SLC16A7: variants seen among roughly 807,000 people sequenced by gnomAD.
SLC16A7 encodes solute carrier family 16 member 7.
In SLC16A7, 33 loss-of-function variants were observed where a neutral mutation model predicts 34.9. The ratio of observed to expected loss-of-function variants is 0.94; its 90% CI spans 0.72 to 1.26. The LOEUF is 1.26. Ranked by LOEUF, SLC16A7 falls within the 50% of genes most tolerant of loss-of-function variation. The pLI is 0.00. For synonymous variants in SLC16A7, 201 were observed against 206.6 expected (o/e 0.97, Z 0.23); for missense variants, 573 against 578.1 (o/e 0.99, Z 0.09).
intron 3 of SLC16A7, among the ~76,000 whole-genome samples, chr12:59,721,075 A>G (rs1439120215): frequency 6.6e-6 from 1 of 152,026 alleles, no homozygotes; most frequent in Admixed American, 6.6e-5. Flanking sequence ...GATGATCGAT[A>G]ATCTTAGGTG....
chr12:59,720,362 T>G (rs2137199712), intron 3 of SLC16A7, among the ~76,000 whole-genome samples: 1 of 152,250 alleles, frequency 6.6e-6, no homozygotes. Context: ...AATGTATATC[T>G]TTTTGTCATT....
At chr12:59,620,663 T>C (rs1450740372) in intron 1 of SLC16A7, among the ~76,000 whole-genome samples, 3 of 151,668 alleles carry the variant, frequency 2.0e-5, no homozygotes, top group South Asian at 2.1e-4. Flanking sequence ...AAATAGGAAA[T>C]TGGCAAAAGA....
chr12:59,749,288 TG>T (rs773734167), intron 3 of SLC16A7, among the ~76,000 whole-genome samples: 9 of 152,212 alleles, frequency 5.9e-5, no homozygotes, highest in Non-Finnish European at 8.8e-5. Context: ...CCAGTCTTTT[TG>T]CTGTACAACA....
intron 1 of SLC16A7, among the ~76,000 whole-genome samples, chr12:59,626,173 T>G (rs1879921714): frequency 6.6e-6 from 1 of 151,742 alleles, no homozygotes; most frequent in African/African-American, 2.4e-5. Flanking sequence ...TTTATGTAAA[T>G]AATTCTAAGA....
At chr12:59,671,833 ATG>A (rs1468383046) in intron 2 of SLC16A7, among the ~76,000 whole-genome samples, 2 of 135,158 alleles carry the variant, frequency 1.5e-5, no homozygotes, top group African/African-American at 5.6e-5. Flanking sequence ...ATATGTATAT[ATG>A]TATATATGTG....
At position 59,775,394 on chromosome 12, in the gene SLC16A7, G is replaced by A. The variant is rs751407349; in HGVS notation, c.1099G>A (p.Gly367Ser). The A allele has an allele frequency of 2.5e-6, 4 of 1,613,934 alleles. No individual in the cohort carries two copies. The highest frequency in any genetic ancestry group is 3.4e-6 in the Non-Finnish European group (4 of 1,179,988). Residue 367 changes from glycine (G) to serine (S), a missense_variant, in exon 5 of 6, where the codon GGT (glycine) becomes AGT (serine). Physicochemically the swap from Gly to Ser is moderately conservative, Grantham distance 56 (BLOSUM62 0). Coordinates refer to ENST00000547379, the MANE Select transcript of SLC16A7 (RefSeq NM_001270623.2). ...VLFETLMDLV[G>S]APRFSSAVGL... ...CTTTGAAACTCTCATGGACCTCGTG[G>A]GTGCACCAAGATTTTCCAGTGCCGT...
chr12:59,605,156 C>T (rs1409249860), intron 1 of SLC16A7, among the ~76,000 whole-genome samples: 2 of 152,128 alleles, frequency 1.3e-5, no homozygotes, highest in Non-Finnish European at 2.9e-5. Context: ...TTTTTTCAAA[C>T]AGAGACTAGT....
chr12:59,726,535 TC>T (rs1314906239), intron 3 of SLC16A7, among the ~76,000 whole-genome samples: 3 of 152,168 alleles, frequency 2.0e-5, no homozygotes, highest in Non-Finnish European at 4.4e-5. Flanking sequence ...TTCTTACTGC[TC>T]TTGGATATTG....
intron 1 of SLC16A7, among the ~76,000 whole-genome samples, chr12:59,602,502 G>A (rs1046328441): frequency 2.0e-4 from 3 of 14,846 alleles, no homozygotes; most frequent in Non-Finnish European, 4.3e-4. Context: ...TTTTTTTTTT[G>A]AGACAGGGTT....
intron 5 of SLC16A7, among the ~76,000 whole-genome samples, chr12:59,777,763 A>T (rs1250701841): frequency 6.6e-6 from 1 of 150,660 alleles, no homozygotes; most frequent in Non-Finnish European, 1.5e-5. Context: ...TTAACTCGTC[A>T]TTTAGCATTA....
intron 3 of SLC16A7, among the ~76,000 whole-genome samples, chr12:59,708,675 A>G (rs1873865512): frequency 6.6e-6 from 1 of 152,020 alleles, no homozygotes; most frequent in South Asian, 2.1e-4. Flanking sequence ...ATTAATCACT[A>G]CTGTGGGGTC....
chr12:59,734,148 G>C (rs1361696299), intron 3 of SLC16A7: 1 of 210,502 alleles, frequency 4.8e-6, no homozygotes, highest in Non-Finnish European at 9.8e-6. Flanking sequence ...CCAGGAATCT[G>C]TCTGCCTCCC....
chr12:59,619,972 A>C (rs2136979402), intron 1 of SLC16A7, among the ~76,000 whole-genome samples: 1 of 152,120 alleles, frequency 6.6e-6, no homozygotes, highest in South Asian at 2.1e-4. Context: ...TCACAAAGTT[A>C]GTAAATAATA....
intron 1 of SLC16A7, among the ~76,000 whole-genome samples, chr12:59,629,180 C>A (rs1016815409): frequency 1.3e-5 from 2 of 151,838 alleles, no homozygotes; most frequent in East Asian, 3.9e-4. Context: ...ATCACAACCT[C>A]ATCTAAACCT....
intron 1 of SLC16A7, among the ~76,000 whole-genome samples, chr12:59,617,513 C>T (rs573660613): frequency 6.6e-6 from 1 of 151,842 alleles, no homozygotes; most frequent in African/African-American, 2.4e-5. Flanking sequence ...ATTTATAATG[C>T]CCTGTACATA....
At chr12:59,643,915 A>G (rs1352408478) in intron 1 of SLC16A7, among the ~76,000 whole-genome samples, 2 of 152,184 alleles carry the variant, frequency 1.3e-5, no homozygotes, top group Non-Finnish European at 2.9e-5. Context: ...CTATTTCATC[A>G]ATGACCTACA....
At chr12:59,761,319 T>G in intron 3 of SLC16A7, 1 of 366,772 alleles carries the variant, frequency 2.7e-6, no homozygotes, top group Non-Finnish European at 5.0e-6. Flanking sequence ...TTCTAACTTT[T>G]CCAGTATTTG....
At chr12:59,702,954 C>T (rs987186730) in intron 2 of SLC16A7, among the ~76,000 whole-genome samples, 2 of 151,932 alleles carry the variant, frequency 1.3e-5, no homozygotes, top group East Asian at 3.9e-4. Context: ...AAATTTGTCA[C>T]ATTTAAAAAA....
intron 3 of SLC16A7, among the ~76,000 whole-genome samples, chr12:59,754,220 T>A (rs1879984851): frequency 1.3e-5 from 2 of 151,948 alleles, no homozygotes; most frequent in Admixed American, 6.6e-5. Context: ...AGCAAATACA[T>A]TCAAAAGCTA....
Sources: allele counts gnomAD v4.1 joint callset (sites outside exome capture counted in the v4.1 genomes callset), GRCh38; gene constraint gnomAD v4.1.1; transcripts MANE v1.5; gene names NCBI Gene and HGNC (gene_info 2026-07-23, HGNC 2026-07-21).